ATP13A3: variants seen among roughly 807,000 people sequenced by gnomAD.
The protein encoded by ATP13A3 is ATPase 13A3.
Under a neutral mutation model 158.1 loss-of-function variants are expected in ATP13A3, and 59 were observed. The ratio of observed to expected loss-of-function variants is 0.37; its 90% confidence interval spans 0.30 to 0.46. The LOEUF (loss-of-function observed/expected upper bound fraction) is 0.46. Ranked by LOEUF, ATP13A3 falls within the 20% of genes least tolerant of loss-of-function variation. ATP13A3 has a pLI of 1.00. For synonymous variants in ATP13A3, 491 were observed against 504.3 expected (o/e 0.97, Z 0.35); for missense variants, 1,166 against 1,525.2 (o/e 0.76, Z 3.92).
intron 3 of ATP13A3, 30 bp from the exon 4 acceptor site, chr3:194,460,861 T>C: frequency 1.3e-6 from 2 of 1,585,378 alleles, no homozygotes; most frequent in Non-Finnish European, 8.6e-7. Flanking sequence ...ACATGATTAA[T>C]TATCAAATGA....
At chr3:194,487,717 T>G (rs945831400), upstream of ATP13A3, 4 of 152,250 alleles carry the variant, frequency 2.6e-5, no homozygotes, top group African/African-American at 9.6e-5. Context: ...CGCTGCGTCC[T>G]CTCCGCGACG....
At chr3:194,453,382 C>CAT (rs1718958325) in intron 10 of ATP13A3, among the ~76,000 whole-genome samples, 1 of 151,018 alleles carries the variant, frequency 6.6e-6, no homozygotes, top group African/African-American at 2.4e-5. Context: ...CACTTCAGCC[C>CAT]AGAAGTCTGA....
rs187537717 is a variant in ATP13A3 at position 194,439,906 on chromosome 3, G to A, written c.1711-934C>T. 3.4e-4 allele frequency among the ~76,000 whole-genome samples: 52 copies of A among 152,270 alleles called. 1 individual carries two copies. Among genetic ancestry groups the A allele is most frequent in the Admixed American group, 2.9e-3 (44 of 15,302 alleles). Reference sequence around the variant, plus strand: ...GTTGGAGAAAAGCTTAGAGAAGAACGATAAATCAGCCCATTTTTGTTATTC... The same window carrying A: ...GTTGGAGAAAAGCTTAGAGAAGAACAATAAATCAGCCCATTTTTGTTATTC... On this transcript the variant is annotated intron_variant, in intron 16 of 33. Transcript: ENST00000645319.
chr3:194,439,575 A>G (rs925375985), intron 16 of ATP13A3, among the ~76,000 whole-genome samples: 2 of 152,244 alleles, frequency 1.3e-5, no homozygotes, highest in African/African-American at 4.8e-5. Context: ...TGAGAAAACA[A>G]TAGGGAACTG....
intron 32 of ATP13A3, chr3:194,413,089 A>G (rs936446537): frequency 2.0e-5 from 3 of 152,312 alleles, no homozygotes; most frequent in African/African-American, 7.2e-5. Flanking sequence ...ATAGTAGTTC[A>G]GAGAGCAGAC....
intron 2 of ATP13A3, among the ~76,000 whole-genome samples, chr3:194,477,056 C>A (rs140794893): frequency 6.6e-6 from 1 of 152,194 alleles, no homozygotes; most frequent in Non-Finnish European, 1.5e-5. Flanking sequence ...TCATTTAGAA[C>A]ACAATCTGTA....
At position 194,437,230 on chromosome 3, in the gene ATP13A3, G is replaced by C. The variant is rs932842597; in HGVS notation, c.2000-15C>G. ...ATCGACAGGAACTTTTTAAAAGAAA[G>C]AGTAAATTTCATTGTTAGAGTTGCT... On this transcript the variant is annotated splice_polypyrimidine_tract_variant and intron_variant, in intron 19 of 33. Coordinates refer to ENST00000645319, the MANE Select transcript of ATP13A3 (RefSeq NM_001367549.1). 4.3e-6 allele frequency: 7 copies of C among 1,613,836 alleles called. No individual in the cohort carries two copies. Among genetic ancestry groups the C allele is most frequent in the Admixed American group, 1.7e-5 (1 of 59,942 alleles).
upstream of ATP13A3, among the ~76,000 whole-genome samples, chr3:194,490,716 AG>A (rs373162694): frequency 1.5e-3 from 233 of 152,376 alleles, 1 homozygote; most frequent in African/African-American, 5.3e-3. This position sits in a 1 kb window ranked among gnomAD's most constrained non-coding sequence, Gnocchi z 4.4. Context: ...ATACTTTTAA[AG>A]GAAGAAGTGG....
chr3:194,411,029 G>A (rs976657540), intron 33 of ATP13A3, among the ~76,000 whole-genome samples: 7 of 148,308 alleles, frequency 4.7e-5, no homozygotes, highest in Admixed American at 1.3e-4. Flanking sequence ...CTAGTCATAC[G>A]CACTACTAGG....
chr3:194,409,595 A>G (rs1715198439), intron 33 of ATP13A3, among the ~76,000 whole-genome samples: 1 of 150,806 alleles, frequency 6.6e-6, no homozygotes, highest in Non-Finnish European at 1.5e-5. Context: ...ACCACAGATG[A>G]TGGGGGTCTC....
chr3:194,447,578 CTGT>C (rs1287943986), intron 13 of ATP13A3, among the ~76,000 whole-genome samples: 130 of 150,008 alleles, frequency 8.7e-4, no homozygotes, highest in African/African-American at 3.0e-3. Flanking sequence ...GTTTTTTTTC[CTGT>C]TTTTTTTTTT....
At chr3:194,486,146 C>T (rs748386747) in intron 1 of ATP13A3, among the ~76,000 whole-genome samples, 1 of 152,178 alleles carries the variant, frequency 6.6e-6, no homozygotes, top group African/African-American at 2.4e-5. Context: ...TTTTCCTCCA[C>T]GGGACTCACT....
At chr3:194,453,553 T>C (rs1718975150) in intron 10 of ATP13A3, among the ~76,000 whole-genome samples, 153 bp downstream of exon 10, 1 of 152,160 alleles carries the variant, frequency 6.6e-6, no homozygotes, top group Non-Finnish European at 1.5e-5. Context: ...AAGCTGAGAT[T>C]GTGCCTTTGC....
intron 2 of ATP13A3, among the ~76,000 whole-genome samples, chr3:194,479,673 T>C (rs905481551): frequency 3.9e-5 from 6 of 152,000 alleles, no homozygotes; most frequent in African/African-American, 1.4e-4. Context: ...GGTCACAAAA[T>C]TGAAATATAA....
intron 30 of ATP13A3, among the ~76,000 whole-genome samples, chr3:194,422,475 T>G (rs1184484141): frequency 2.0e-5 from 3 of 152,218 alleles, no homozygotes; most frequent in Non-Finnish European, 4.4e-5. Context: ...TCCACAAAGC[T>G]ATGTGAATCT....
intron 2 of ATP13A3, among the ~76,000 whole-genome samples, chr3:194,465,432 A>G (rs1234252585): frequency 6.6e-6 from 1 of 152,188 alleles, no homozygotes; most frequent in East Asian, 1.9e-4. Context: ...GAAACTACCG[A>G]AGGCCAGGGA....
At chr3:194,458,711 C>T (rs1479761025) in intron 6 of ATP13A3, among the ~76,000 whole-genome samples, 35 of 152,228 alleles carry the variant, frequency 2.3e-4, no homozygotes, top group Non-Finnish European at 1.5e-5. Flanking sequence ...GGCAATAGTT[C>T]TTAATCAGGA....
intron 30 of ATP13A3, among the ~76,000 whole-genome samples, chr3:194,421,664 T>C (rs372117239): frequency 9.9e-5 from 15 of 151,584 alleles, no homozygotes; most frequent in African/African-American, 3.6e-4. Context: ...TAAAGTATCA[T>C]GTAAGTTCTA....
Position 194,459,867 on chromosome 3 carries a change from ATGGCCATTTGAAAGCTTAT to A in ATP13A3, c.311_329del (p.Asn104MetfsTer5). ...TGGGATTCTCAATTAAACAAACTGC[ATGGCCATTTGAAAGCTTAT>A]TAGACATAGATTTTGGACTTGAAAC... On this transcript the variant is annotated frameshift_variant, in exon 5 of 34. Coordinates refer to ENST00000645319, the MANE Select transcript of ATP13A3 (RefSeq NM_001367549.1). LOFTEE classifies it high-confidence loss of function. 1.2e-6 allele frequency: 2 copies of A among 1,612,846 alleles called. No individual in the cohort carries two copies. The highest frequency in any genetic ancestry group is 1.7e-6 in the Non-Finnish European group (2 of 1,179,048).
Sources: gnomAD v4.1 joint callset for allele counts (sites outside exome capture counted in the v4.1 genomes callset) on GRCh38, gnomAD v4.1.1 for gene constraint, Gnocchi (gnomAD v3.1) non-coding constraint, MANE v1.5 for transcripts, NCBI Gene and HGNC (gene_info 2026-07-23, HGNC 2026-07-21) for gene names.